Variants in LATS2 observed in about 807,000 individuals in gnomAD.
LATS2 encodes serine/threonine-protein kinase LATS2.
A neutral mutation model predicts 76.0 loss-of-function variants in LATS2; 24 were observed. The ratio of observed to expected loss-of-function variants is 0.32; its 90% CI spans 0.23 to 0.44. LATS2 has a LOEUF of 0.44. Among genes scored for constraint, LATS2 ranks in the 20% least tolerant of loss-of-function variants. LATS2 has a pLI of 1.00. For synonymous variants in LATS2, 692 were observed against 635.4 expected (o/e 1.09, Z -1.34); for missense variants, 1,286 against 1,481.2 (o/e 0.87, Z 2.16).
rs1870302171 is a variant in LATS2 at position 20,988,482 on chromosome 13, G to A, written c.1298C>T (p.Thr433Met). 6.5e-7 allele frequency: 1 copy of A among 1,544,996 alleles called. No homozygotes were observed. Among genetic ancestry groups the A allele is most frequent in the Non-Finnish European group, 8.7e-7 (1 of 1,152,880 alleles). The change falls in exon 4 of 8, where the codon ACG becomes ATG. Residue 433 changes from threonine to methionine, a missense_variant. Transcript: ENST00000382592. ...CAAGATGTGCGCGGCCGTGACAGCC[G>A]TCACGGTGTTGGGGGCGGGCAGGGA... ...EPSLPAPNTV[T>M]AVTAAHILHP...
intron 2 of LATS2, among the ~76,000 whole-genome samples, chr13:21,012,046 C>T (rs1871611968): frequency 6.6e-6 from 1 of 152,022 alleles, no homozygotes; most frequent in African/African-American, 2.4e-5. Flanking sequence ...TTTTTCTCAT[C>T]AACGCTATAA....
At chr13:21,057,787 G>A (rs563206032) in intron 1 of LATS2, among the ~76,000 whole-genome samples, 9 of 146,188 alleles carry the variant, frequency 6.2e-5, no homozygotes, top group East Asian at 2.0e-4. Flanking sequence ...GTGACAGAGC[G>A]AGACTCCATC....
intron 2 of LATS2, among the ~76,000 whole-genome samples, chr13:21,000,417 G>A (rs1045436818): frequency 2.6e-5 from 4 of 151,814 alleles, no homozygotes; most frequent in African/African-American, 9.7e-5. Flanking sequence ...TAAATGTGCT[G>A]GTAAAACTAT....
At chr13:21,043,111 G>A (rs766573697) in intron 2 of LATS2, among the ~76,000 whole-genome samples, 1 of 152,104 alleles carries the variant, frequency 6.6e-6, no homozygotes, top group Non-Finnish European at 1.5e-5. Context: ...AACGAAGCAG[G>A]CAGATCACTT....
intron 2 of LATS2, among the ~76,000 whole-genome samples, chr13:21,023,700 G>A (rs1456841335): frequency 7.2e-6 from 1 of 139,536 alleles, no homozygotes; most frequent in Non-Finnish European, 1.5e-5. Context: ...TCGGCCGGGC[G>A]CAGTGGCTGA....
At chr13:21,054,958 CA>C (rs1419065337) in intron 1 of LATS2, among the ~76,000 whole-genome samples, 1 of 152,130 alleles carries the variant, frequency 6.6e-6, no homozygotes, top group Non-Finnish European at 1.5e-5. Flanking sequence ...AGGGATACCA[CA>C]AGGGCTGTCC....
intron 2 of LATS2, among the ~76,000 whole-genome samples, chr13:21,033,963 G>A (rs745629360): frequency 6.6e-6 from 1 of 151,988 alleles, no homozygotes; most frequent in Admixed American, 6.6e-5. Flanking sequence ...TGATTTCTGT[G>A]GGACAGGGGA....
rs1244295556 is a variant in LATS2, at chr13:20,987,908, C to T, written c.1872G>A (p.Arg624=). 2 of 1,613,264 alleles carry T rather than the reference C, an allele frequency of 1.2e-6. No individual in the cohort carries two copies. The highest frequency in any genetic ancestry group is 2.7e-5 in the African/African-American group (2 of 74,934). The change falls in exon 4 of 8, where the codon AGG becomes AGA. Residue 624 remains arginine, a synonymous_variant. Transcript: ENST00000382592. ...IKTYQQKVNR[R]LQLEQEMAKA... The stretch of plus-strand genomic sequence containing the variant: ...TGGCCATTTCTTGCTCCAGCTGCAG[C>T]CTCCGGTTAACCTTCTGCTGGTAGG...
intron 7 of LATS2, among the ~76,000 whole-genome samples, chr13:20,978,915 CCAT>C (rs1309125188): frequency 6.6e-6 from 1 of 152,130 alleles, no homozygotes; most frequent in Non-Finnish European, 1.5e-5. Context: ...GTGCACACCA[CCAT>C]GATGGACTAA....
At chr13:20,997,484 T>G (rs1435613704) in intron 2 of LATS2, among the ~76,000 whole-genome samples, 2 of 152,212 alleles carry the variant, frequency 1.3e-5, no homozygotes, top group African/African-American at 4.8e-5. Context: ...ATCTTGAGGC[T>G]GGTCCTCTCA....
intron 4 of LATS2, among the ~76,000 whole-genome samples, chr13:20,986,700 C>G (rs988576618): frequency 2.0e-5 from 3 of 152,084 alleles, no homozygotes; most frequent in Admixed American, 1.3e-4. Flanking sequence ...CAAACTCTAA[C>G]TAGTATGACT....
chr13:21,001,425 T>G (rs1027836031), intron 2 of LATS2, among the ~76,000 whole-genome samples: 1 of 152,196 alleles, frequency 6.6e-6, no homozygotes, highest in Non-Finnish European at 1.5e-5. Flanking sequence ...CCCCTCCCCT[T>G]GAATATTGGC....
Position 20,982,630 on chromosome 13 carries a change from G to A in LATS2, c.2482+594C>T, listed in dbSNP as rs139328553. Among the ~76,000 whole-genome samples, 169 of 152,100 alleles carry A rather than the reference G, an allele frequency of 1.1e-3. 6 individuals carry two copies. The East Asian group carries it at 0.029, about 26-fold the overall frequency. ...CCAGCCAAATCTTTTATTTTTTAAG[G>A]CTTGCTTTAATGAGGCAGGTGATGG... On this transcript the variant is annotated intron_variant, in intron 5 of 7. Transcript: ENST00000382592.
At chr13:21,035,749 C>T (rs1450145801) in intron 2 of LATS2, among the ~76,000 whole-genome samples, 4 of 152,220 alleles carry the variant, frequency 2.6e-5, no homozygotes, top group African/African-American at 4.8e-5. Flanking sequence ...GCAGGTTGCT[C>T]GCAGTGGAGG....
At chr13:20,976,824 ACT>A (rs1869645826) in intron 7 of LATS2, among the ~76,000 whole-genome samples, 2 of 152,156 alleles carry the variant, frequency 1.3e-5, no homozygotes, top group South Asian at 4.1e-4. Flanking sequence ...GAAACTGAAC[ACT>A]CAGTCACTGT....
intron 2 of LATS2, among the ~76,000 whole-genome samples, chr13:21,044,689 G>GGGGTGTGTGTGT (rs1872996981): frequency 7.3e-6 from 1 of 137,686 alleles, no homozygotes; most frequent in African/African-American, 2.8e-5. Context: ...GAGGTGTAGG[G>GGGGTGTGTGTGT]GTGTGTGTGT....
intron 1 of LATS2, among the ~76,000 whole-genome samples, chr13:21,050,125 C>CAGACAGACAGATAGATAGATAGAT (rs71306170): frequency 5.2e-4 from 36 of 69,864 alleles, no homozygotes; most frequent in African/African-American, 8.3e-4. Flanking sequence ...GTCTCATAGA[C>CAGACAGACAGATAGATAGATAGAT]AGATAGATAG....
intron 2 of LATS2, among the ~76,000 whole-genome samples, chr13:21,011,433 CTG>C (rs907498761): frequency 2.6e-5 from 4 of 152,178 alleles, no homozygotes; most frequent in African/African-American, 7.2e-5. Flanking sequence ...AAACTGGTCA[CTG>C]TACCCACAAG....
chr13:21,059,184 A>AT (rs745392188), intron 1 of LATS2, among the ~76,000 whole-genome samples: 1 of 152,210 alleles, frequency 6.6e-6, no homozygotes, highest in African/African-American at 2.4e-5. Context: ...AAATGTACGT[A>AT]TTTGTTGAAT....
Sources: gnomAD v4.1 joint callset for allele counts (sites outside exome capture counted in the v4.1 genomes callset) on GRCh38, gnomAD v4.1.1 for gene constraint, MANE v1.5 for transcripts, NCBI Gene and HGNC (gene_info 2026-07-23, HGNC 2026-07-21) for gene names.